The following APBB1IP variants were observed in gnomAD, a reference collection of about 807,000 sequenced individuals.
APBB1IP encodes amyloid beta precursor protein binding family B member 1 interacting protein, also known as amyloid beta A4 precursor protein-binding family B member 1-interacting protein.
APBB1IP carries 27 observed loss-of-function variants against 64.9 expected under a neutral mutation model. The ratio of observed to expected loss-of-function variants is 0.42; its 90% CI spans 0.31 to 0.57. The LOEUF (loss-of-function observed/expected upper bound fraction) is 0.57. Among genes scored for constraint, APBB1IP ranks in the 20% least tolerant of loss-of-function variants. The probability of loss-of-function intolerance (pLI) is 0.20; values close to 1 mark genes in which losing one functional copy is unlikely to be tolerated. For missense variants in APBB1IP, 812 were observed against 845.5 expected, an observed-to-expected ratio of 0.96 and a Z score of 0.49; for synonymous variants, 392 against 331.0, an observed-to-expected ratio of 1.18 and a Z score of -2.00.
chr10:26,452,151 CA>C (rs10633721), intron 2 of APBB1IP, among the ~76,000 whole-genome samples: 2 of 151,454 alleles, frequency 1.3e-5, no homozygotes, highest in South Asian at 2.1e-4. Context: ...TATTCTTAGA[CA>C]AAAAAAAGTG....
chr10:26,442,790 T>A (rs1216557295), intron 2 of APBB1IP, among the ~76,000 whole-genome samples: 1 of 152,186 alleles, frequency 6.6e-6, no homozygotes, highest in Non-Finnish European at 1.5e-5. Flanking sequence ...CTCCTTCCAA[T>A]AACATTTCCC....
chr10:26,539,890 T>A (rs1410233325), intron 10 of APBB1IP, among the ~76,000 whole-genome samples: 1 of 152,178 alleles, frequency 6.6e-6, no homozygotes, highest in East Asian at 1.9e-4. Context: ...AAATGAAAAT[T>A]AAGCATGAGA....
intron 2 of APBB1IP, among the ~76,000 whole-genome samples, chr10:26,472,207 GA>G (rs1835726129): frequency 6.6e-6 from 1 of 152,176 alleles, no homozygotes; most frequent in African/African-American, 2.4e-5. Context: ...TTCTGCACAT[GA>G]AAACATCTGG....
At chr10:26,561,332 T>C (rs1387031274) in intron 13 of APBB1IP, among the ~76,000 whole-genome samples, 1 of 151,076 alleles carries the variant, frequency 6.6e-6, no homozygotes, top group Non-Finnish European at 1.5e-5. Context: ...CCTCCCAAAG[T>C]GCTGGGATTA....
intron 11 of APBB1IP, among the ~76,000 whole-genome samples, chr10:26,542,091 A>C (rs972164169): frequency 1.3e-5 from 2 of 152,226 alleles, no homozygotes; most frequent in African/African-American, 4.8e-5. Context: ...AAGTTGTTTT[A>C]ATTACTGGGT....
chr10:26,439,224 G>A (rs1049103542), intron 2 of APBB1IP, among the ~76,000 whole-genome samples: 1 of 152,156 alleles, frequency 6.6e-6, no homozygotes, highest in Non-Finnish European at 1.5e-5. Context: ...AGGTCAGCAG[G>A]TCCGGGAGCC....
chr10:26,490,998 G>A (rs886621945), intron 2 of APBB1IP, among the ~76,000 whole-genome samples: 1 of 152,106 alleles, frequency 6.6e-6, no homozygotes, highest in Non-Finnish European at 1.5e-5. Flanking sequence ...GTCCTTAGAG[G>A]CTGAGCAAGA....
intron 2 of APBB1IP, among the ~76,000 whole-genome samples, chr10:26,482,727 A>G (rs1243308637): frequency 2.6e-5 from 4 of 152,200 alleles, no homozygotes; most frequent in African/African-American, 9.7e-5. Flanking sequence ...GGAGAGCCTC[A>G]GATTTTTGAA....
chr10:26,448,205 T>C (rs554981805), intron 2 of APBB1IP, among the ~76,000 whole-genome samples: 1 of 126,910 alleles, frequency 7.9e-6, no homozygotes, highest in East Asian at 2.4e-4. Context: ...GTAAGATTAT[T>C]TCATTTTTTT....
At chr10:26,464,655 C>T (rs578182504) in intron 2 of APBB1IP, among the ~76,000 whole-genome samples, 1 of 152,332 alleles carries the variant, frequency 6.6e-6, no homozygotes, top group East Asian at 1.9e-4. Flanking sequence ...GAGATCCTCC[C>T]ACCTTAGGTT....
chr10:26,514,862 TTTTTCTTTTTC>T (rs1836304300), intron 8 of APBB1IP, among the ~76,000 whole-genome samples: 1 of 151,798 alleles, frequency 6.6e-6, no homozygotes, highest in African/African-American at 2.4e-5. Flanking sequence ...ATGCCATGCT[TTTTTCTTTTTC>T]TTTTCTTTTT....
intron 10 of APBB1IP, among the ~76,000 whole-genome samples, chr10:26,538,013 T>C (rs570752616): frequency 6.6e-6 from 1 of 151,310 alleles, no homozygotes; most frequent in Non-Finnish European, 1.5e-5. Context: ...AACACGGGGT[T>C]GAGGAACTAA....
chr10:26,470,788 C>T (rs1835707182), intron 2 of APBB1IP, among the ~76,000 whole-genome samples: 1 of 152,124 alleles, frequency 6.6e-6, no homozygotes, highest in Non-Finnish European at 1.5e-5. Context: ...TATCCAAACC[C>T]ACGGTCAGAG....
intron 2 of APBB1IP, among the ~76,000 whole-genome samples, chr10:26,485,346 T>C (rs1835879133): frequency 6.6e-6 from 1 of 152,206 alleles, no homozygotes; most frequent in South Asian, 2.1e-4. Context: ...CCAGGAGCCA[T>C]GTAGAACATG....
intron 6 of APBB1IP, 79 bp downstream of exon 6, chr10:26,503,353 A>C: frequency 1.0e-5 from 15 of 1,444,662 alleles, no homozygotes; most frequent in Non-Finnish European, 1.3e-5. Flanking sequence ...AAACAAAATA[A>C]AGCCGGGCGC....
intron 2 of APBB1IP, among the ~76,000 whole-genome samples, chr10:26,486,776 A>G (rs889617891): frequency 6.6e-6 from 1 of 152,212 alleles, no homozygotes; most frequent in African/African-American, 2.4e-5. Context: ...AATGTTTAAA[A>G]GACATAGTTT....
At chr10:26,549,363 T>C (rs1446371218) in intron 11 of APBB1IP, among the ~76,000 whole-genome samples, 1 of 152,190 alleles carries the variant, frequency 6.6e-6, no homozygotes, top group Non-Finnish European at 1.5e-5. Context: ...AAGAGTTTCC[T>C]CCTTTTCAAT....
In APBB1IP at chr10:26,514,009, C is replaced by T. The variant is rs191406781; in HGVS notation, c.813+349C>T. Among the ~76,000 whole-genome samples the T allele has an allele frequency of 2.4e-4, 37 of 152,312 alleles. No homozygotes were observed. The East Asian group carries it at 7.1e-3, about 29-fold the overall frequency. On this transcript the variant is annotated intron_variant, in intron 8 of 14. Transcript: ENST00000376236. Reference sequence around the variant, plus strand: ...TCAGGCTCCCAAAGTGCTAGGATTACAGACGTGAGCCACTGCGCCCAGCCA... The same window carrying T: ...TCAGGCTCCCAAAGTGCTAGGATTATAGACGTGAGCCACTGCGCCCAGCCA...
rs113638825 is a variant in APBB1IP, at chr10:26,480,416, A to G, written c.1-11911A>G. 6.7e-3 allele frequency among the ~76,000 whole-genome samples: 1,014 copies of G among 152,202 alleles called. 4 individuals carry two copies. Among genetic ancestry groups the G allele is most frequent in the Non-Finnish European group, 0.011 (759 of 68,004 alleles). On this transcript the variant is annotated intron_variant, in intron 2 of 14. Coordinates refer to ENST00000376236, the MANE Select transcript of APBB1IP (RefSeq NM_019043.4). ...AGCTTCTTTGTTGGCTTCAAGGTAC[A>G]TTGGCCTCTGTGAGGAGGAAAACCA...
Sources: gnomAD v4.1 joint callset for allele counts (sites outside exome capture counted in the v4.1 genomes callset) on GRCh38, gnomAD v4.1.1 for gene constraint, MANE v1.5 for transcripts, NCBI Gene and HGNC (gene_info 2026-07-23, HGNC 2026-07-21) for gene names.